The following WWOX variants were observed in gnomAD, a reference collection of about 807,000 sequenced individuals.
The protein encoded by WWOX is WW domain containing oxidoreductase.
A neutral mutation model predicts 46.2 loss-of-function variants in WWOX; 69 were observed. The observed-to-expected ratio is 1.49, with a 90% CI of 1.23 to 1.82. WWOX has a LOEUF of 1.82. WWOX is among the 40% of genes most tolerant of loss of function. The probability of loss-of-function intolerance (pLI) is 0.00; values close to 1 mark genes in which losing one functional copy is unlikely to be tolerated. For missense variants in WWOX, 919 were observed against 542.6 expected, an observed-to-expected ratio of 1.69 and a Z score of -6.89; for synonymous variants, 359 against 202.6, an observed-to-expected ratio of 1.77 and a Z score of -6.56.
At chr16:79,069,129 C>T (rs766818124) in intron 8 of WWOX, among the ~76,000 whole-genome samples, 8 of 152,122 alleles carry the variant, frequency 5.3e-5, no homozygotes, top group Non-Finnish European at 8.8e-5. Context: ...CATCTCACTT[C>T]GGGGAAAGGT....
At chr16:78,745,280 C>G (rs2049322244) in intron 8 of WWOX, among the ~76,000 whole-genome samples, 1 of 152,194 alleles carries the variant, frequency 6.6e-6, no homozygotes, top group South Asian at 2.1e-4. Flanking sequence ...AAGCTTTTGG[C>G]TGAGCTGGGC....
In WWOX at chr16:78,349,824, T is replaced by C. The variant is rs1031528907; in HGVS notation, c.517-37036T>C. Reference sequence around the variant, plus strand: ...AGCAAGCCCAGTGATTGGAAAACAATGACTCAACTTTGAGCTATATTGATT... The same window carrying C: ...AGCAAGCCCAGTGATTGGAAAACAACGACTCAACTTTGAGCTATATTGATT... On this transcript the variant is annotated intron_variant, in intron 5 of 8. Coordinates refer to ENST00000566780, the MANE Select transcript of WWOX (RefSeq NM_016373.4). Among the ~76,000 whole-genome samples, 59 of 121,070 alleles carry C rather than the reference T, an allele frequency of 4.9e-4. 14 individuals are homozygous for C. Among genetic ancestry groups the C allele is most frequent in the African/African-American group, 1.6e-3 (59 of 35,810 alleles). 79.4% of individuals were successfully genotyped at this position (121,070 alleles called of 152,430 possible). A position where few individuals can be genotyped will look rare whatever the true frequency, so the allele number is the denominator to read the frequency against.
At chr16:78,797,771 T>G (rs529167662) in intron 8 of WWOX, among the ~76,000 whole-genome samples, 1 of 152,276 alleles carries the variant, frequency 6.6e-6, no homozygotes, top group Non-Finnish European at 1.5e-5. Context: ...GAGGATCTCT[T>G]GAGGCTAGGA....
intron 8 of WWOX, among the ~76,000 whole-genome samples, chr16:79,005,934 C>A (rs1005048295): frequency 6.6e-6 from 1 of 152,132 alleles, no homozygotes; most frequent in African/African-American, 2.4e-5. Flanking sequence ...TGGGAGAAAC[C>A]CATCCATACT....
chr16:79,032,339 T>C (rs1031343208), intron 8 of WWOX, among the ~76,000 whole-genome samples: 1 of 146,468 alleles, frequency 6.8e-6, no homozygotes, highest in Non-Finnish European at 1.5e-5. Context: ...TATTATAATG[T>C]ATGTAATATA....
chr16:78,369,729 C>A (rs1464959979), intron 5 of WWOX, among the ~76,000 whole-genome samples: 3 of 151,936 alleles, frequency 2.0e-5, no homozygotes, highest in Admixed American at 6.6e-5. Context: ...CCAATTAAAC[C>A]CAATTGTTAA....
At chr16:79,180,096 A>G (rs2050880583) in intron 8 of WWOX, among the ~76,000 whole-genome samples, 1 of 152,150 alleles carries the variant, frequency 6.6e-6, no homozygotes, top group Non-Finnish European at 1.5e-5. Context: ...CCAGTTCAAC[A>G]AGAAAGAATC....
chr16:79,066,398 T>C (rs1178028090), intron 8 of WWOX, among the ~76,000 whole-genome samples: 1 of 152,156 alleles, frequency 6.6e-6, no homozygotes, highest in Non-Finnish European at 1.5e-5. Flanking sequence ...GGAATCTGCC[T>C]TCGTCACCAT....
chr16:79,074,951 G>A (rs1382569579), intron 8 of WWOX, among the ~76,000 whole-genome samples: 1 of 152,026 alleles, frequency 6.6e-6, no homozygotes, highest in Admixed American at 6.6e-5. Context: ...GAAGGACATT[G>A]TTTTAAGTGG....
At chr16:78,319,774 A>AC (rs371712963) in intron 5 of WWOX, among the ~76,000 whole-genome samples, 142 of 152,108 alleles carry the variant, frequency 9.3e-4, no homozygotes, top group African/African-American at 3.3e-3. Flanking sequence ...TCTCTGTGCT[A>AC]CCCCTTGAAG....
chr16:78,805,540 C>G (rs947502429), intron 8 of WWOX, among the ~76,000 whole-genome samples: 1 of 151,844 alleles, frequency 6.6e-6, no homozygotes, highest in Non-Finnish European at 1.5e-5. Flanking sequence ...GCCTCAGCCT[C>G]CCAAAGTGCT....
At chr16:78,639,200 G>T (rs778983560) in intron 8 of WWOX, among the ~76,000 whole-genome samples, 1 of 152,166 alleles carries the variant, frequency 6.6e-6, no homozygotes, top group Non-Finnish European at 1.5e-5. Flanking sequence ...GATGTACAAA[G>T]TACTTCTGCA....
chr16:78,879,694 A>T (rs934747315), intron 8 of WWOX, among the ~76,000 whole-genome samples: 1 of 152,116 alleles, frequency 6.6e-6, no homozygotes, highest in African/African-American at 2.4e-5. Flanking sequence ...TCTGATCAAC[A>T]TGGAGAAACC....
chr16:78,727,712 C>G (rs1003457369), intron 8 of WWOX, among the ~76,000 whole-genome samples: 1 of 152,002 alleles, frequency 6.6e-6, no homozygotes, highest in African/African-American at 2.4e-5. Flanking sequence ...AATAGTAGTG[C>G]TGTGTGGGGA....
At chr16:78,183,857 G>C (rs1006449622) in intron 5 of WWOX, among the ~76,000 whole-genome samples, 1 of 152,204 alleles carries the variant, frequency 6.6e-6, no homozygotes, top group African/African-American at 2.4e-5. Flanking sequence ...CCTGGCTGCA[G>C]TGTTGGATTT....
chr16:78,678,047 G>C (rs1567483966), intron 8 of WWOX, among the ~76,000 whole-genome samples: 1 of 152,068 alleles, frequency 6.6e-6, no homozygotes, highest in Non-Finnish European at 1.5e-5. Flanking sequence ...TTTCTCCTTA[G>C]CAGACATCAT....
rs544310144 is a variant in WWOX, at chr16:78,721,591, T to C, written c.1056+288839T>C. ...CTAGGGCAGCCTGAACCACTTGTGTTAGAAATATTTTTTATAAAGCAGGAC... is the reference window on the plus strand; with the variant it reads ...CTAGGGCAGCCTGAACCACTTGTGTCAGAAATATTTTTTATAAAGCAGGAC... On this transcript the variant is annotated intron_variant, in intron 8 of 8. Coordinates refer to ENST00000566780, the MANE Select transcript of WWOX (RefSeq NM_016373.4). Among the ~76,000 whole-genome samples, 14 of 152,270 alleles carry C rather than the reference T, an allele frequency of 9.2e-5. No homozygotes were observed. In the South Asian group the frequency reaches 2.9e-3, roughly 32 times the overall value.
intron 5 of WWOX, among the ~76,000 whole-genome samples, chr16:78,237,164 T>A (rs1171591906): frequency 6.6e-6 from 1 of 151,768 alleles, no homozygotes; most frequent in Non-Finnish European, 1.5e-5. Flanking sequence ...TGATTCAAAG[T>A]CTGACTGATT....
At chr16:78,364,954 C>G (rs72794089) in intron 5 of WWOX, among the ~76,000 whole-genome samples, 1 of 152,108 alleles carries the variant, frequency 6.6e-6, no homozygotes, top group African/African-American at 2.4e-5. Context: ...TGGTCCCCAA[C>G]CTTTCTTCTG....
Sources: gnomAD v4.1 joint callset for allele counts (sites outside exome capture counted in the v4.1 genomes callset) on GRCh38, gnomAD v4.1.1 for gene constraint, MANE v1.5 for transcripts, NCBI Gene and HGNC (gene_info 2026-07-23, HGNC 2026-07-21) for gene names.